LIPC: variants seen among roughly 807,000 people sequenced by gnomAD.
LIPC encodes the protein hepatic triacylglycerol lipase.
A neutral mutation model predicts 50.7 loss-of-function variants in LIPC; 44 were observed. The observed-to-expected ratio is 0.87, with a 90% CI of 0.68 to 1.11. The LOEUF (loss-of-function observed/expected upper bound fraction) is 1.11, where lower values mean the gene tolerates loss of function less well. LIPC is among the 50% of genes most tolerant of loss of function. The pLI is 0.00. For missense variants in LIPC, 697 were observed against 648.2 expected, an observed-to-expected ratio of 1.08 and a Z score of -0.82; for synonymous variants, 271 against 256.4, an observed-to-expected ratio of 1.06 and a Z score of -0.54.
chr15:58,447,147 CAAAAAAAAAAAAAA>C (rs34289431), intron 1 of LIPC, among the ~76,000 whole-genome samples: 6 of 62,306 alleles, frequency 9.6e-5, no homozygotes, highest in South Asian at 7.6e-4. Context: ...GACTCCATCT[CAAAAAAAAAAAAAA>C]AAAAAAAAAA....
chr15:58,496,787 C>G (rs1333764194), intron 1 of LIPC, among the ~76,000 whole-genome samples: 1 of 138,514 alleles, frequency 7.2e-6, no homozygotes, highest in Non-Finnish European at 1.5e-5. Flanking sequence ...CTCTGTCACC[C>G]AGGCTGGAGT....
intron 1 of LIPC, among the ~76,000 whole-genome samples, chr15:58,456,642 G>T (rs1261372798): frequency 1.3e-5 from 2 of 152,170 alleles, no homozygotes; most frequent in Non-Finnish European, 2.9e-5. Context: ...TGCCCCCATG[G>T]GCCTAAGTAG....
At chr15:58,489,110 C>G (rs1595890907) in intron 1 of LIPC, among the ~76,000 whole-genome samples, 1 of 151,084 alleles carries the variant, frequency 6.6e-6, no homozygotes, top group African/African-American at 2.4e-5. Context: ...ATAAGCTGAA[C>G]AGATGGTTGC....
intron 1 of LIPC, among the ~76,000 whole-genome samples, chr15:58,482,789 A>G (rs1891237144): frequency 6.6e-6 from 1 of 152,226 alleles, no homozygotes; most frequent in South Asian, 2.1e-4. Flanking sequence ...CTCATGATCA[A>G]GACCAGTCCT....
At position 58,542,661 on chromosome 15, in the gene LIPC, C is replaced by A; in HGVS notation, c.574+10C>A. On this transcript the variant is annotated intron_variant, in intron 4 of 8. Coordinates refer to ENST00000299022, the MANE Select transcript of LIPC (RefSeq NM_000236.3). ...ATTGGGAGAATCACAGGTAACCATGCCTAATAACTCACACACTGATCTCCA... is the reference window on the plus strand; with the variant it reads ...ATTGGGAGAATCACAGGTAACCATGACTAATAACTCACACACTGATCTCCA... The A allele has an allele frequency of 1.3e-6, 2 of 1,560,196 alleles. No individual in the cohort carries two copies. Among genetic ancestry groups the A allele is most frequent in the South Asian group, 2.2e-5 (2 of 89,996 alleles).
intron 1 of LIPC, among the ~76,000 whole-genome samples, chr15:58,487,945 C>G (rs1437761402): frequency 6.6e-6 from 1 of 152,172 alleles, no homozygotes; most frequent in African/African-American, 2.4e-5. Flanking sequence ...CTGGGGCAAG[C>G]CACTACTCAA....
intron 1 of LIPC, among the ~76,000 whole-genome samples, chr15:58,457,176 C>G (rs1036027109): frequency 2.0e-5 from 3 of 152,216 alleles, no homozygotes; most frequent in Non-Finnish European, 4.4e-5. Flanking sequence ...AAGGTGCGAT[C>G]TTGGCTCACC....
At chr15:58,470,313 A>G (rs1437424875) in intron 1 of LIPC, among the ~76,000 whole-genome samples, 1 of 152,188 alleles carries the variant, frequency 6.6e-6, no homozygotes, top group Non-Finnish European at 1.5e-5. Context: ...ACAAAACCAA[A>G]GACCAGCTTT....
In LIPC at chr15:58,565,060, C is replaced by T. The variant is rs972403332; in HGVS notation, c.1388+1337C>T. The T allele has an allele frequency of 6.4e-5, 51 of 797,844 alleles. 2 individuals are homozygous for T. In the Middle Eastern group the frequency reaches 7.1e-4, roughly 11 times the overall value. 49.4% of individuals were successfully genotyped at this position (797,844 alleles called of 1,614,324 possible). On this transcript the variant is annotated intron_variant, in intron 8 of 8. Transcript: ENST00000299022. ...CCCCCTGGGTTTCACTGCCAGATGC[C>T]GGCCTGTGGCAGATGTATGCCCCTG... is the stretch of plus-strand genomic sequence containing the variant.
At chr15:58,439,075 G>A (rs1191568916) in intron 1 of LIPC, among the ~76,000 whole-genome samples, 3 of 152,228 alleles carry the variant, frequency 2.0e-5, no homozygotes, top group Non-Finnish European at 4.4e-5. Context: ...TGGACTGGCA[G>A]TGGCCCTTAA....
chr15:58,438,790 A>G (rs1177906064), intron 1 of LIPC, among the ~76,000 whole-genome samples: 4 of 152,338 alleles, frequency 2.6e-5, no homozygotes, highest in Middle Eastern at 3.4e-3. Flanking sequence ...TTTCTGGCTC[A>G]GGAGAATGGA....
chr15:58,495,620 G>A (rs1891738551), intron 1 of LIPC, among the ~76,000 whole-genome samples: 1 of 152,170 alleles, frequency 6.6e-6, no homozygotes, highest in African/African-American at 2.4e-5. Context: ...TTATAGATGA[G>A]GAAATTGAGG....
chr15:58,528,515 C>CT lies in LIPC; in HGVS notation c.89-9809dup, dbSNP rs1287769103. ...GCAATCTGGCTCCAGAGCTCGGTGC[C>CT]TTTTTTTTTCTTTGACAGGGTTTGG... On this transcript the variant is annotated intron_variant, in intron 1 of 8. Coordinates refer to ENST00000299022, the MANE Select transcript of LIPC (RefSeq NM_000236.3). Among the ~76,000 whole-genome samples, 4 of 151,738 alleles carry CT rather than the reference C, an allele frequency of 2.6e-5. No homozygotes were observed. In the East Asian group the frequency reaches 7.7e-4, roughly 29 times the overall value.
At chr15:58,564,218 G>A (rs1454885879) in intron 8 of LIPC, among the ~76,000 whole-genome samples, 1 of 151,486 alleles carries the variant, frequency 6.6e-6, no homozygotes, top group East Asian at 1.9e-4. Flanking sequence ...GAATCACTGG[G>A]AAGCCAAACA....
chr15:58,565,352 C>T, intron 8 of LIPC: 4 of 1,528,550 alleles, frequency 2.6e-6, no homozygotes, highest in Admixed American at 3.9e-5. Flanking sequence ...CTCACCCTGA[C>T]AATCCCATGT....
chr15:58,497,851 A>G (rs1356820173), intron 1 of LIPC: 1 of 152,214 alleles, frequency 6.6e-6, no homozygotes, highest in African/African-American at 2.4e-5. Context: ...CATGGAGCCA[A>G]TGGAGCTTAG....
intron 1 of LIPC, among the ~76,000 whole-genome samples, chr15:58,487,785 G>A (rs561061187): frequency 1.3e-5 from 2 of 152,308 alleles, no homozygotes; most frequent in East Asian, 3.9e-4. Context: ...TTATTTTAAG[G>A]AAATTCAGCA....
intron 6 of LIPC, among the ~76,000 whole-genome samples, chr15:58,558,911 C>T (rs1000685328): frequency 4.6e-5 from 7 of 152,200 alleles, no homozygotes; most frequent in Admixed American, 2.0e-4. Context: ...TCAGAGATAA[C>T]CCCTTTAGTA....
At chr15:58,493,006 G>T (rs573168737) in intron 1 of LIPC, among the ~76,000 whole-genome samples, 1 of 152,010 alleles carries the variant, frequency 6.6e-6, no homozygotes. Flanking sequence ...AAATCCTGGC[G>T]CCAGGTGCTC....
Sources: gnomAD v4.1 joint callset for allele counts (sites outside exome capture counted in the v4.1 genomes callset) on GRCh38, gnomAD v4.1.1 for gene constraint, MANE v1.5 for transcripts, NCBI Gene and HGNC (gene_info 2026-07-23, HGNC 2026-07-21) for gene names.